TRPM7: variants seen among roughly 807,000 people sequenced by gnomAD.
TRPM7 encodes LTRPC ion channel family member 7.
In TRPM7, 134 loss-of-function variants were observed where a neutral mutation model predicts 229.7. The ratio of observed to expected loss-of-function variants is 0.58; its 90% CI spans 0.51 to 0.67. The LOEUF is 0.67. TRPM7 is among the 30% of genes least tolerant of loss of function. The pLI, the probability that TRPM7 is intolerant of heterozygous loss-of-function variation, is 0.00. For missense variants in TRPM7, 1,901 were observed against 2,210.0 expected (o/e 0.86, Z 2.80); for synonymous variants, 699 against 715.2 (o/e 0.98, Z 0.36).
chr15:50,642,475 G>A (rs1378480035), intron 5 of TRPM7, among the ~76,000 whole-genome samples: 1 of 152,216 alleles, frequency 6.6e-6, no homozygotes, highest in African/African-American at 2.4e-5. Flanking sequence ...CCAGGTGGAA[G>A]TAACTGAATC....
At chr15:50,610,608 A>C (rs982232284) in intron 17 of TRPM7, among the ~76,000 whole-genome samples, 1 of 152,148 alleles carries the variant, frequency 6.6e-6, no homozygotes, top group Non-Finnish European at 1.5e-5. Context: ...CCATGACAAA[A>C]CCAAAGGTAC....
At chr15:50,585,696 A>C (rs2059323772) in intron 28 of TRPM7, among the ~76,000 whole-genome samples, 1 of 152,234 alleles carries the variant, frequency 6.6e-6, no homozygotes, top group African/African-American at 2.4e-5. Flanking sequence ...TCAGTATGCC[A>C]AAGGAAAATG....
chr15:50,623,930 A>G (rs886336036), intron 12 of TRPM7, among the ~76,000 whole-genome samples: 2 of 152,130 alleles, frequency 1.3e-5, no homozygotes, highest in African/African-American at 4.8e-5. Context: ...AATACACAGG[A>G]AAGAGAGGTA....
chr15:50,612,003 C>T (rs1335623185), intron 16 of TRPM7, among the ~76,000 whole-genome samples: 1 of 152,220 alleles, frequency 6.6e-6, no homozygotes, highest in African/African-American at 2.4e-5. Flanking sequence ...TAACACAGCT[C>T]CAACTTCACT....
At chr15:50,659,063 T>C (rs2061660508) in intron 2 of TRPM7, among the ~76,000 whole-genome samples, 1 of 151,920 alleles carries the variant, frequency 6.6e-6, no homozygotes, top group Non-Finnish European at 1.5e-5. Context: ...CCAGATGTGG[T>C]GGCACACGCC....
chr15:50,640,134 AAATT>A (rs1375752592), intron 5 of TRPM7, among the ~76,000 whole-genome samples: 2 of 152,170 alleles, frequency 1.3e-5, no homozygotes, highest in African/African-American at 4.8e-5. Flanking sequence ...CATTTAGAAA[AAATT>A]AATCGGTGGC....
In TRPM7 at chr15:50,574,450, T is replaced by C. The variant is rs752720437; in HGVS notation, c.5132A>G (p.His1711Arg). The change falls in exon 36 of 39, where the codon CAT (histidine) becomes CGT (arginine). Residue 1711 changes from histidine to arginine, a missense_variant. Transcript: ENST00000646667. ...RFLEVFLLYC[H>R]SAGQWFAVEE... ...CACAGCAAACCACTGTCCTGCTGAA[T>C]GGCAATACAGCAGGAAAACTTCAAG... The C allele has an allele frequency of 2.5e-6, 4 of 1,613,674 alleles. No individual in the cohort carries two copies. Among genetic ancestry groups the C allele is most frequent in the African/African-American group, 1.3e-5 (1 of 74,924 alleles).
At chr15:50,593,328 T>C (rs1461116486) in intron 25 of TRPM7, among the ~76,000 whole-genome samples, 2 of 151,878 alleles carry the variant, frequency 1.3e-5, no homozygotes, top group African/African-American at 4.8e-5. Flanking sequence ...ATAATGATGA[T>C]AATAAAAAAT....
chr15:50,557,803 C>G lies in TRPM7; in HGVS notation c.*3875G>C, dbSNP rs1313313444. 1 of 152,206 alleles carries G rather than the reference C, an allele frequency of 6.6e-6. No homozygotes were observed. The highest frequency in any genetic ancestry group is 1.5e-5 in the Non-Finnish European group (1 of 68,086). 9.4% of individuals were successfully genotyped at this position (152,206 alleles called of 1,614,324 possible). On this transcript the variant is annotated 3_prime_UTR_variant, in exon 39 of 39. Transcript: ENST00000646667. ...GGCCTACAGGCACGCGCCACCACAC[C>G]CAGATAATTTTTGTATTTTTAGTAG... is the stretch of plus-strand genomic sequence containing the variant.
At chr15:50,575,591 G>A in intron 33 of TRPM7, 133 bp downstream of exon 33, 1 of 757,696 alleles carries the variant, frequency 1.3e-6, no homozygotes, top group Non-Finnish European at 2.1e-6. Context: ...TCACCCTTGT[G>A]GTAGTCAGAT....
intron 1 of TRPM7, among the ~76,000 whole-genome samples, chr15:50,666,975 C>T (rs559005618): frequency 2.6e-5 from 4 of 152,156 alleles, no homozygotes; most frequent in East Asian, 1.9e-4. Context: ...TGTATGGATT[C>T]GCCTCAAATT....
intron 4 of TRPM7, 141 bp from the exon 5 acceptor site, chr15:50,643,694 C>T: frequency 1.6e-6 from 1 of 630,252 alleles, no homozygotes; most frequent in East Asian, 2.8e-5. Context: ...TATATTTATA[C>T]TCCAAGGAAT....
At position 50,593,477 on chromosome 15, in the gene TRPM7, G is replaced by A. The variant is rs2059556348; in HGVS notation, c.3608+140C>T. ...ATATGAAGTATTAATAGAACTGAAC[G>A]ATCTTTCCAATACATCATGTAAAAC... On this transcript the variant is annotated intron_variant, in intron 25 of 38. Coordinates refer to ENST00000646667, the MANE Select transcript of TRPM7 (RefSeq NM_017672.6). 4 of 889,978 alleles carry A rather than the reference G, an allele frequency of 4.5e-6. No individual in the cohort carries two copies. The South Asian group carries it at 5.0e-5, about 11-fold the overall frequency. 55.1% of individuals were successfully genotyped at this position (889,978 alleles called of 1,614,324 possible).
In TRPM7 at chr15:50,561,549, T is replaced by C; in HGVS notation, c.*129A>G. 1 of 1,015,040 alleles carries C rather than the reference T, an allele frequency of 9.9e-7. No homozygotes were observed. Among genetic ancestry groups the C allele is most frequent in the Non-Finnish European group, 1.5e-6 (1 of 687,130 alleles). The allele number at this position is 1,015,040 out of a possible 1,614,324, so 62.9% of individuals were successfully genotyped here. A position where few individuals can be genotyped will look rare whatever the true frequency, so the allele number is the denominator to read the frequency against. On this transcript the variant is annotated 3_prime_UTR_variant, in exon 39 of 39. Coordinates refer to ENST00000646667, the MANE Select transcript of TRPM7 (RefSeq NM_017672.6). Reference sequence around the variant, plus strand: ...CAAAAGAATATTGACCTTTTAACTGTGCTGGAGTCAGCAAATTCAACTTGC... The same window carrying C: ...CAAAAGAATATTGACCTTTTAACTGCGCTGGAGTCAGCAAATTCAACTTGC...
intron 15 of TRPM7, 43 bp downstream of exon 15, chr15:50,613,664 A>G (rs2060128474): frequency 1.4e-6 from 2 of 1,455,170 alleles, no homozygotes; most frequent in Admixed American, 2.9e-5. Context: ...TTTAGAAAGA[A>G]GAAAATAAAA....
intron 1 of TRPM7, among the ~76,000 whole-genome samples, chr15:50,676,150 G>GA (rs1157157352): frequency 6.6e-6 from 1 of 152,034 alleles, no homozygotes; most frequent in Non-Finnish European, 1.5e-5. Flanking sequence ...AGCAATAAGG[G>GA]ACATGTATTA....
intron 4 of TRPM7, among the ~76,000 whole-genome samples, chr15:50,646,261 T>C (rs1418382067): frequency 6.6e-6 from 1 of 151,964 alleles, no homozygotes; most frequent in Non-Finnish European, 1.5e-5. Context: ...CAGAACAATG[T>C]AGAGGTTAAA....
At chr15:50,678,010 C>T (rs905588585) in intron 1 of TRPM7, among the ~76,000 whole-genome samples, 1 of 151,888 alleles carries the variant, frequency 6.6e-6, no homozygotes, top group South Asian at 2.1e-4. Context: ...GAGGCCGAGG[C>T]GGGCGGATCA....
intron 36 of TRPM7, among the ~76,000 whole-genome samples, chr15:50,571,784 A>G (rs1182676651): frequency 6.6e-6 from 1 of 152,240 alleles, no homozygotes; most frequent in East Asian, 1.9e-4. Flanking sequence ...AAATTGTTCA[A>G]TAAACATTAT....
Sources: gnomAD v4.1 joint callset for allele counts (sites outside exome capture counted in the v4.1 genomes callset) on GRCh38, gnomAD v4.1.1 for gene constraint, MANE v1.5 for transcripts, NCBI Gene and HGNC (gene_info 2026-07-23, HGNC 2026-07-21) for gene names.